EPN2: variants seen among roughly 807,000 people sequenced by gnomAD.
EPN2 encodes epsin 2, also known as epsin-2.
Under a neutral mutation model 61.7 loss-of-function variants are expected in EPN2, and 34 were observed. The ratio of observed to expected loss-of-function variants is 0.55; its 90% CI spans 0.42 to 0.73. The LOEUF (loss-of-function observed/expected upper bound fraction) is 0.73, where lower values mean the gene tolerates loss of function less well. EPN2 is among the 30% of genes least tolerant of loss of function. The pLI is 0.00. For missense variants in EPN2, 714 were observed against 839.2 expected (o/e 0.85, Z 1.84); for synonymous variants, 349 against 353.6 (o/e 0.99, Z 0.15).
intron 4 of EPN2, among the ~76,000 whole-genome samples, chr17:19,292,727 C>G (rs1214219994): frequency 6.6e-6 from 1 of 152,250 alleles, no homozygotes; most frequent in African/African-American, 2.4e-5. Context: ...TAAAGTCAGA[C>G]AGTTGCCCAA....
chr17:19,318,052 C>T (rs1158820625), intron 7 of EPN2, among the ~76,000 whole-genome samples: 1 of 152,206 alleles, frequency 6.6e-6, no homozygotes, highest in Non-Finnish European at 1.5e-5. Context: ...GAATTCAGCC[C>T]AGCAGTTTGC....
intron 7 of EPN2, among the ~76,000 whole-genome samples, chr17:19,327,302 T>G (rs1906925442): frequency 6.6e-6 from 1 of 152,066 alleles, no homozygotes; most frequent in Admixed American, 6.5e-5. Flanking sequence ...CACAGATGAC[T>G]CTCTCAAATA....
intron 7 of EPN2, among the ~76,000 whole-genome samples, chr17:19,314,375 G>T (rs1906287615): frequency 6.7e-6 from 1 of 148,354 alleles, no homozygotes; most frequent in South Asian, 2.1e-4. Context: ...CCAGGGAAAA[G>T]AAGGTGTCCA....
intron 3 of EPN2, among the ~76,000 whole-genome samples, chr17:19,284,533 G>C (rs1309394725): frequency 6.6e-6 from 1 of 152,234 alleles, no homozygotes; most frequent in Admixed American, 6.5e-5. Context: ...GGCCTTTGGG[G>C]GACAGGGTGA....
At chr17:19,329,935 C>A (rs867019803) in intron 9 of EPN2, among the ~76,000 whole-genome samples, 1 of 152,214 alleles carries the variant, frequency 6.6e-6, no homozygotes. Context: ...CTGGCCTGAT[C>A]CAGCATTTCC....
At chr17:19,329,750 T>C (rs1265614582) in intron 9 of EPN2, 103 bp downstream of exon 9, 1 of 691,744 alleles carries the variant, frequency 1.4e-6, no homozygotes, top group Non-Finnish European at 2.5e-6. Flanking sequence ...GCTTCCTGCA[T>C]TTTCTTTGTA....
Position 19,309,750 on chromosome 17 carries a change from T to G in EPN2, c.767-135T>G, listed in dbSNP as rs1437357294. 5 of 682,464 alleles carry G rather than the reference T, an allele frequency of 7.3e-6. No individual in the cohort carries two copies. The African/African-American group carries it at 8.8e-5, about 12-fold the overall frequency. The allele number at this position is 682,464 out of a possible 1,614,324, so 42.3% of individuals were successfully genotyped here. A position where few individuals can be genotyped will look rare whatever the true frequency, so the allele number is the denominator to read the frequency against. On this transcript the variant is annotated intron_variant, in intron 4 of 10. Coordinates refer to ENST00000314728, the MANE Select transcript of EPN2 (RefSeq NM_014964.5). Reference sequence around the variant, plus strand: ...ATATTTGTAAGCCTTTCCTTTCCTCTGCCTGCATTGTTGGGCTACTGCTGG... The same window carrying G: ...ATATTTGTAAGCCTTTCCTTTCCTCGGCCTGCATTGTTGGGCTACTGCTGG...
Position 19,283,027 on chromosome 17 carries a change from A to G in EPN2, c.-93A>G. On this transcript the variant is annotated 5_prime_UTR_variant, in exon 3 of 11. Transcript: ENST00000314728. This position sits in a 1 kb window ranked among gnomAD's most constrained non-coding sequence, Gnocchi z 7.0. ...TCAGGGATCTTACTCCAGCTTGATT[A>G]CGGAGACTGAACCTTCATAGGGTGC... The G allele has an allele frequency of 1.2e-6, 1 of 838,020 alleles. No individual in the cohort carries two copies. The highest frequency in any genetic ancestry group is 1.8e-6 in the Non-Finnish European group (1 of 540,654). The allele number at this position is 838,020 out of a possible 1,614,324, so 51.9% of individuals were successfully genotyped here.
intron 4 of EPN2, among the ~76,000 whole-genome samples, chr17:19,295,169 C>T (rs1410661460): frequency 1.3e-5 from 2 of 152,144 alleles, no homozygotes. Flanking sequence ...CCCGTTCATG[C>T]CCCGTGCTGT....
intron 4 of EPN2, among the ~76,000 whole-genome samples, chr17:19,302,204 C>G (rs1036374340): frequency 7.2e-5 from 11 of 152,224 alleles, no homozygotes; most frequent in African/African-American, 2.7e-4. Context: ...ATGGAGGGTT[C>G]CTCGAGAGAC....
intron 1 of EPN2, among the ~76,000 whole-genome samples, chr17:19,244,575 TCTC>T (rs1309448095): frequency 6.6e-6 from 1 of 152,182 alleles, no homozygotes; most frequent in Non-Finnish European, 1.5e-5. Context: ...GGAAGTTGCT[TCTC>T]CTCCCTGCAG....
At chr17:19,241,359 C>A (rs1296230250) in intron 1 of EPN2, among the ~76,000 whole-genome samples, 1 of 152,170 alleles carries the variant, frequency 6.6e-6, no homozygotes, top group South Asian at 2.1e-4. Flanking sequence ...CCAAAGCGGC[C>A]GGATCACCCT....
At chr17:19,238,131 C>T (rs572694968) in intron 1 of EPN2, among the ~76,000 whole-genome samples, 1 of 152,234 alleles carries the variant, frequency 6.6e-6, no homozygotes, top group Non-Finnish European at 1.5e-5. Flanking sequence ...AGCCCCCACT[C>T]CCACGGAACA....
At chr17:19,271,386 C>T (rs917250990) in intron 1 of EPN2, among the ~76,000 whole-genome samples, 6 of 152,196 alleles carry the variant, frequency 3.9e-5, no homozygotes, top group Non-Finnish European at 2.9e-5. Flanking sequence ...GCAGGAGCCA[C>T]TTCCGGTCAT....
chr17:19,294,523 C>T (rs548316293), intron 4 of EPN2, among the ~76,000 whole-genome samples: 1 of 152,156 alleles, frequency 6.6e-6, no homozygotes, highest in Non-Finnish European at 1.5e-5. Context: ...TTTTAAGGAT[C>T]CTTTGTAGTA....
chr17:19,256,886 A>G (rs2045086352), intron 1 of EPN2, among the ~76,000 whole-genome samples: 1 of 152,242 alleles, frequency 6.6e-6, no homozygotes. Context: ...TGACAAATAA[A>G]GAGAACATTT....
intron 1 of EPN2, among the ~76,000 whole-genome samples, chr17:19,277,419 AAAG>A (rs1299514257): frequency 2.6e-5 from 4 of 151,620 alleles, no homozygotes; most frequent in South Asian, 2.1e-4. Context: ...AAAAAAAAAA[AAAG>A]AGAGAAATAA....
intron 4 of EPN2, among the ~76,000 whole-genome samples, chr17:19,302,225 A>G (rs1434447638): frequency 6.6e-6 from 1 of 152,244 alleles, no homozygotes; most frequent in Non-Finnish European, 1.5e-5. Flanking sequence ...AGTGTTGCAC[A>G]GGCAGTGGGT....
intron 6 of EPN2, among the ~76,000 whole-genome samples, chr17:19,312,449 G>A (rs1321523631): frequency 1.3e-5 from 2 of 152,236 alleles, no homozygotes; most frequent in Admixed American, 6.5e-5. Flanking sequence ...GCCAGGGGCT[G>A]CGGAACGCTT....
Sources: gnomAD v4.1 joint callset for allele counts (sites outside exome capture counted in the v4.1 genomes callset) on GRCh38, gnomAD v4.1.1 for gene constraint, Gnocchi (gnomAD v3.1) non-coding constraint, MANE v1.5 for transcripts, NCBI Gene and HGNC (gene_info 2026-07-23, HGNC 2026-07-21) for gene names.